The following MTMR10 variants were observed in gnomAD, a reference collection of about 807,000 sequenced individuals.
MTMR10 encodes the protein myotubularin related protein 10, also known as myotubularin-related protein 10.
In MTMR10, 56 loss-of-function variants were observed where a neutral mutation model predicts 88.1. That is an observed-to-expected ratio of 0.64 (90% CI 0.51 to 0.79). MTMR10 has a LOEUF of 0.79. Ranked by LOEUF, MTMR10 falls within the 30% of genes least tolerant of loss-of-function variation. The pLI is 0.00. For synonymous variants in MTMR10, 380 were observed against 340.9 expected, an observed-to-expected ratio of 1.11 and a Z score of -1.26; for missense variants, 883 against 924.7, an observed-to-expected ratio of 0.95 and a Z score of 0.58.
chr15:30,928,445 C>T, the MTMR10 span: 2 of 1,512,840 alleles, frequency 1.3e-6, no homozygotes, highest in Non-Finnish European at 1.8e-6. Context: ...CTATTATTTT[C>T]TTGAAATTGA....
At chr15:30,929,556 ATATTATATCTT>A in the MTMR10 span, among the ~76,000 whole-genome samples, 10 of 104,358 alleles carry the variant, frequency 9.6e-5, no homozygotes, top group South Asian at 2.7e-3. Flanking sequence ...TATAAAATAT[ATATTATATCTT>A]TATTATATTT....
intron 2 of MTMR10, among the ~76,000 whole-genome samples, chr15:30,982,402 T>C (rs1372204822): frequency 1.3e-5 from 2 of 152,146 alleles, no homozygotes; most frequent in African/African-American, 2.4e-5. Flanking sequence ...TATCCTCTTT[T>C]GTACAACTCT....
chr15:30,924,984 C>A, the MTMR10 span: 1 of 804,542 alleles, frequency 1.2e-6, no homozygotes, highest in Non-Finnish European at 1.9e-6. Flanking sequence ...AAGGAAACAG[C>A]CTAAATCTCT....
rs1007057859 is a variant in MTMR10, at chr15:30,940,651, C to G, written c.*819G>C. On this transcript the variant is annotated 3_prime_UTR_variant, in exon 16 of 16. Coordinates refer to ENST00000435680, the MANE Select transcript of MTMR10 (RefSeq NM_017762.3). ...AGCATACACCTCTGTGGAATCAGCA[C>G]CCCAGAGGCCACTCCCCAGTGGCTT... The G allele has an allele frequency of 3.2e-5, 32 of 986,316 alleles. No individual in the cohort carries two copies. In the Admixed American group the frequency reaches 9.2e-4, roughly 28 times the overall value. The allele number at this position is 986,316 out of a possible 1,614,324, so 61.1% of individuals were successfully genotyped here.
At chr15:30,930,676 G>T in the MTMR10 span, 2 of 1,612,720 alleles carry the variant, frequency 1.2e-6, no homozygotes, top group Non-Finnish European at 1.7e-6. Flanking sequence ...TTTAAGGTCA[G>T]TTGAGGCAGA....
intron 7 of MTMR10, among the ~76,000 whole-genome samples, chr15:30,960,207 G>C (rs911896163): frequency 1.3e-5 from 2 of 152,140 alleles, no homozygotes; most frequent in African/African-American, 2.4e-5. Context: ...TATAAGAGGG[G>C]AACTTTTACT....
rs1363089068 is a variant in MTMR10, at chr15:30,958,898, G to T, written c.900C>A (p.Ile300=). The T allele has an allele frequency of 1.9e-6, 3 of 1,613,816 alleles. No homozygotes were observed. The change falls in exon 9 of 16, where the codon ATC becomes ATA. Residue 300 remains isoleucine (I), a synonymous_variant. Transcript: ENST00000435680. The part of the protein sequence containing the change: ...NGSALVRMAL[I]KDVLQQRKID... ...TCTTCCTCTGCTGCAGCACGTCTTT[G>T]ATGAGGGCCATTCGCACAAGAGCAC...
At position 30,958,937 on chromosome 15, in the gene MTMR10, G is replaced by C. The variant is rs563220522; in HGVS notation, c.861C>G (p.Ser287Arg). ...GCACAAGAGCACTGCCGTTAGAGTG[G>C]CTCCAGCACCAGAGCTAGGGGAGAG... The part of the protein sequence containing the change: ...VGRRMPLWCW[S>R]HSNGSALVRM... Residue 287 changes from serine to arginine, a missense_variant, in exon 9 of 16, where the codon AGC (serine) becomes AGG (arginine). Physicochemically the swap from Ser to Arg is moderately radical, Grantham distance 110. This residue lies in a region of MTMR10 where 414 missense variants were observed against 423.2 expected (regional missense o/e 0.98). Coordinates refer to ENST00000435680, the MANE Select transcript of MTMR10 (RefSeq NM_017762.3). 5.6e-6 allele frequency: 9 copies of C among 1,614,006 alleles called. No individual in the cohort carries two copies. In the South Asian group the frequency reaches 6.6e-5, roughly 12 times the overall value.
rs2062983263 is a variant in MTMR10, at chr15:30,939,965, CA to C, written c.*1504del. The C allele has an allele frequency of 1.0e-6, 1 of 982,530 alleles. No homozygotes were observed. The allele number at this position is 982,530 out of a possible 1,614,324, so 60.9% of individuals were successfully genotyped here. ...TTAAGAACTCCTGTCCTGTTATATCCAGAGACATTATCAAATTTTAAAAGGC... is the reference window on the plus strand; with the variant it reads ...TTAAGAACTCCTGTCCTGTTATATCCGAGACATTATCAAATTTTAAAAGGC... On this transcript the variant is annotated 3_prime_UTR_variant, in exon 16 of 16. Coordinates refer to ENST00000435680, the MANE Select transcript of MTMR10 (RefSeq NM_017762.3).
chr15:30,922,061 A>G, the MTMR10 span, among the ~76,000 whole-genome samples: 23 of 152,036 alleles, frequency 1.5e-4, no homozygotes, highest in Non-Finnish European at 7.4e-5. Context: ...ACTCATGCCC[A>G]CTCCAGAAGG....
Position 30,980,261 on chromosome 15 carries a change from T to C in MTMR10, c.122-3306A>G, listed in dbSNP as rs143321016. 5.3e-4 allele frequency among the ~76,000 whole-genome samples: 81 copies of C among 152,314 alleles called. No homozygotes were observed. The East Asian group carries it at 0.015, about 28-fold the overall frequency. Reference sequence around the variant, plus strand: ...AGGACAGACAACCTTCCTACTAGAATGTGTCCATGCAAGTCAAGTCAAAAG... The same window carrying C: ...AGGACAGACAACCTTCCTACTAGAACGTGTCCATGCAAGTCAAGTCAAAAG... On this transcript the variant is annotated intron_variant, in intron 2 of 15. Transcript: ENST00000435680.
At chr15:30,929,506 G>T in the MTMR10 span, 1 of 597,788 alleles carries the variant, frequency 1.7e-6, no homozygotes. Flanking sequence ...GTAAATACAT[G>T]TATGTGTGTG....
At chr15:30,943,640 G>A (rs901538911) in intron 14 of MTMR10, 3 of 985,438 alleles carry the variant, frequency 3.0e-6, no homozygotes, top group East Asian at 2.3e-4. Context: ...TAAAACCATG[G>A]AGACCATGTA....
At chr15:30,980,803 T>A (rs554285340) in intron 2 of MTMR10, among the ~76,000 whole-genome samples, 1 of 152,146 alleles carries the variant, frequency 6.6e-6, no homozygotes, top group East Asian at 1.9e-4. Flanking sequence ...ATGAAATAAC[T>A]CTCAATGGCC....
At chr15:30,923,940 C>T in the MTMR10 span, among the ~76,000 whole-genome samples, 6 of 152,076 alleles carry the variant, frequency 3.9e-5, no homozygotes, top group African/African-American at 1.5e-4. Context: ...GTGACCATTG[C>T]CTCTCCACTT....
intron 6 of MTMR10, among the ~76,000 whole-genome samples, chr15:30,961,280 C>A (rs2141024049): frequency 6.6e-6 from 1 of 151,838 alleles, no homozygotes; most frequent in Middle Eastern, 3.4e-3. Flanking sequence ...GTCGCCCAGG[C>A]TGGAATGCAC....
In MTMR10 at chr15:30,941,024, A is replaced by G. The variant is rs1352280343; in HGVS notation, c.*446T>C. On this transcript the variant is annotated 3_prime_UTR_variant, in exon 16 of 16. Transcript: ENST00000435680. ...GGTGAGTTCAATTAGAGACGACAGA[A>G]AGTAACCAGAAAAATACATGAATAC... 8.6e-7 allele frequency: 1 copy of G among 1,168,772 alleles called. No homozygotes were observed. The highest frequency in any genetic ancestry group is 4.2e-5 in the Admixed American group (1 of 23,566). The allele number at this position is 1,168,772 out of a possible 1,614,324, so 72.4% of individuals were successfully genotyped here.
chr15:30,956,892 G>A (rs1245960414), intron 9 of MTMR10, among the ~76,000 whole-genome samples: 1 of 152,222 alleles, frequency 6.6e-6, no homozygotes. Flanking sequence ...AAGGCTTGGA[G>A]TATGACACAG....
chr15:30,934,016 C>G (rs1297873607), downstream of MTMR10, among the ~76,000 whole-genome samples: 1 of 152,082 alleles, frequency 6.6e-6, no homozygotes, highest in Non-Finnish European at 1.5e-5. Flanking sequence ...TCCCAAAATG[C>G]TGAGAGTATA....
Sources: gnomAD v4.1 joint callset for allele counts (sites outside exome capture counted in the v4.1 genomes callset) on GRCh38, gnomAD v4.1.1 for gene constraint, gnomAD v4.1.1 regional missense constraint, MANE v1.5 for transcripts, NCBI Gene and HGNC (gene_info 2026-07-23, HGNC 2026-07-21) for gene names.